Variants in PLCXD2 observed in about 807,000 individuals in gnomAD.
PLCXD2 encodes phosphatidylinositol specific phospholipase C X domain containing 2, also known as PI-PLC X domain-containing protein 2.
Under a neutral mutation model 28.6 loss-of-function variants are expected in PLCXD2, and 21 were observed. That is an observed-to-expected ratio of 0.73 (90% CI 0.52 to 1.06). The LOEUF is 1.06. PLCXD2 is among the 50% of genes least tolerant of loss of function. The pLI is 0.00. For synonymous variants in PLCXD2, 140 were observed against 150.1 expected (o/e 0.93, Z 0.49); for missense variants, 369 against 376.7 (o/e 0.98, Z 0.17).
chr3:111,680,909 C>T (rs977331507), intron 1 of PLCXD2, among the ~76,000 whole-genome samples: 2 of 151,964 alleles, frequency 1.3e-5, no homozygotes, highest in Middle Eastern at 3.4e-3. Context: ...CTTTCTCTCA[C>T]AAAATAAGCA....
intron 1 of PLCXD2, among the ~76,000 whole-genome samples, chr3:111,680,131 A>C (rs1438657060): frequency 6.6e-6 from 1 of 152,058 alleles, no homozygotes; most frequent in East Asian, 1.9e-4. Flanking sequence ...TTGAGTACTT[A>C]GTGATTTCTA....
At chr3:111,697,198 C>T (rs1300795006) in intron 1 of PLCXD2, among the ~76,000 whole-genome samples, 4 of 152,130 alleles carry the variant, frequency 2.6e-5, no homozygotes, top group Admixed American at 2.0e-4. Context: ...CTAGCAAAAA[C>T]ATTTAAGTTG....
At chr3:111,704,225 T>C (rs2107858941) in intron 1 of PLCXD2, among the ~76,000 whole-genome samples, 1 of 151,594 alleles carries the variant, frequency 6.6e-6, no homozygotes, top group South Asian at 2.1e-4. Flanking sequence ...AGAACAAGGT[T>C]AGTAGTGCCA....
At chr3:111,706,647 T>TAA (rs1271415171) in intron 1 of PLCXD2, among the ~76,000 whole-genome samples, 3 of 143,556 alleles carry the variant, frequency 2.1e-5, no homozygotes, top group African/African-American at 7.6e-5. Context: ...CTGAATGGAT[T>TAA]AAAAAAAAAA....
rs144009553 is a variant in PLCXD2, at chr3:111,708,068, T to G, written c.306T>G (p.Phe102Leu). ...GGTCTGTGACTCAGAACCTGACATT[T>G]CGAGAACAGCTGGAAGCTGGGATCC... The change falls in exon 2 of 5, where the codon TTT becomes TTG. Residue 102 changes from phenylalanine to leucine, a missense_variant. Coordinates refer to ENST00000477665, the MANE Select transcript of PLCXD2 (RefSeq NM_001185106.1). 6.2e-7 allele frequency: 1 copy of G among 1,614,210 alleles called. No homozygotes were observed. The highest frequency in any genetic ancestry group is 1.3e-5 in the African/African-American group (1 of 75,044).
At chr3:111,687,315 G>A (rs1005678677) in intron 1 of PLCXD2, among the ~76,000 whole-genome samples, 3 of 152,154 alleles carry the variant, frequency 2.0e-5, no homozygotes, top group African/African-American at 7.2e-5. Context: ...CTCCTTGGTA[G>A]AGTCAGGTGA....
chr3:111,726,794 C>A (rs914418658), intron 3 of PLCXD2: 4 of 151,972 alleles, frequency 2.6e-5, no homozygotes, highest in Non-Finnish European at 5.9e-5. Context: ...CTCATTTTAA[C>A]AGTGAAAAAA....
chr3:111,718,642 G>A (rs1340333196), intron 3 of PLCXD2, among the ~76,000 whole-genome samples: 1 of 152,086 alleles, frequency 6.6e-6, no homozygotes, highest in African/African-American at 2.4e-5. Context: ...AAAGAAAGAG[G>A]AGAAGGACAA....
At chr3:111,682,887 A>G (rs1421860253) in intron 1 of PLCXD2, among the ~76,000 whole-genome samples, 1 of 152,224 alleles carries the variant, frequency 6.6e-6, no homozygotes, top group Non-Finnish European at 1.5e-5. Flanking sequence ...CAGTGCCTGC[A>G]TACTCCTTTT....
At chr3:111,708,474 C>A in intron 2 of PLCXD2, 88 bp downstream of exon 2, 2 of 1,239,292 alleles carry the variant, frequency 1.6e-6, no homozygotes, top group South Asian at 1.5e-5. Context: ...ATCACTCAAT[C>A]CAGGGCTCTT....
chr3:111,689,044 A>C (rs13317514), intron 1 of PLCXD2, among the ~76,000 whole-genome samples: 8,700 of 152,244 alleles, frequency 0.057, 466 homozygotes, highest in African/African-American at 0.14. Flanking sequence ...CAAATAAAGT[A>C]AATAAAAGCA....
intron 1 of PLCXD2, among the ~76,000 whole-genome samples, chr3:111,684,892 A>G (rs777359716): frequency 6.6e-6 from 1 of 152,148 alleles, no homozygotes; most frequent in Non-Finnish European, 1.5e-5. Context: ...AAAGAAAAAG[A>G]GAAAGTGTCA....
chr3:111,704,111 A>G (rs1019907920), intron 1 of PLCXD2, among the ~76,000 whole-genome samples: 11 of 152,214 alleles, frequency 7.2e-5, no homozygotes, highest in Admixed American at 6.5e-4. Flanking sequence ...TTTGTATTAT[A>G]TGTGAAATAC....
At chr3:111,711,664 A>G (rs1456051074) in intron 2 of PLCXD2, among the ~76,000 whole-genome samples, 1 of 152,198 alleles carries the variant, frequency 6.6e-6, no homozygotes, top group Non-Finnish European at 1.5e-5. Flanking sequence ...ATTAGTGGCT[A>G]TGGGTTTTGA....
chr3:111,717,897 T>C (rs1421839676), intron 3 of PLCXD2, among the ~76,000 whole-genome samples: 7 of 152,204 alleles, frequency 4.6e-5, no homozygotes, highest in Non-Finnish European at 8.8e-5. Context: ...TGTTGTCACG[T>C]AAGCAGGAGG....
chr3:111,702,679 C>G (rs1304516968), intron 1 of PLCXD2, among the ~76,000 whole-genome samples: 2 of 151,762 alleles, frequency 1.3e-5, no homozygotes, highest in Admixed American at 1.3e-4. Context: ...GCTATCCCTA[C>G]CAATTCCCAA....
chr3:111,678,469 A>T (rs564634576), intron 1 of PLCXD2, among the ~76,000 whole-genome samples: 19 of 152,210 alleles, frequency 1.2e-4, no homozygotes, highest in Non-Finnish European at 2.6e-4. Flanking sequence ...ATGGGAAGAC[A>T]TTTCTCTATA....
chr3:111,675,443 T>C, intron 1 of PLCXD2, 35 bp downstream of exon 1: 1 of 1,610,762 alleles, frequency 6.2e-7, no homozygotes, highest in Non-Finnish European at 8.5e-7. Flanking sequence ...CCACTGTGTT[T>C]AATTCTGCCA....
intron 1 of PLCXD2, among the ~76,000 whole-genome samples, chr3:111,685,347 C>G (rs1455307325): frequency 6.6e-6 from 1 of 152,142 alleles, no homozygotes; most frequent in Non-Finnish European, 1.5e-5. Flanking sequence ...GTCCAGTGTT[C>G]TGCCTGTTCT....
Sources: allele counts gnomAD v4.1 joint callset (sites outside exome capture counted in the v4.1 genomes callset), GRCh38; gene constraint gnomAD v4.1.1; transcripts MANE v1.5; gene names NCBI Gene and HGNC (gene_info 2026-07-23, HGNC 2026-07-21).